Variants in TMEM232 observed in about 807,000 individuals in gnomAD.
TMEM232 encodes transmembrane protein 232.
Under a neutral mutation model 78.8 loss-of-function variants are expected in TMEM232, and 80 were observed. That is an observed-to-expected ratio of 1.01 (90% confidence interval 0.85 to 1.22). The LOEUF (loss-of-function observed/expected upper bound fraction) is 1.22. Among genes scored for constraint, TMEM232 ranks in the 50% most tolerant of loss-of-function variants. The probability of loss-of-function intolerance (pLI) is 0.00; values close to 1 mark genes in which losing one functional copy is unlikely to be tolerated. For synonymous variants in TMEM232, 297 were observed against 254.3 expected (o/e 1.17, Z -1.60); for missense variants, 881 against 742.2 (o/e 1.19, Z -2.17).
chr5:110,406,580 C>T (rs1263071427), intron 2 of TMEM232, among the ~76,000 whole-genome samples: 4 of 151,934 alleles, frequency 2.6e-5, no homozygotes, highest in Non-Finnish European at 4.4e-5. Flanking sequence ...CAAACAGAAG[C>T]TGAGAGAATT....
chr5:110,689,399 AT>A (rs139657142), intron 1 of TMEM232, among the ~76,000 whole-genome samples: 6,005 of 152,254 alleles, frequency 0.039, 282 homozygotes, highest in East Asian at 0.22. Context: ...AAAATTGGCA[AT>A]TTTTTTCAGA....
intron 12 of TMEM232, among the ~76,000 whole-genome samples, chr5:110,447,425 T>C (rs1463068716): frequency 6.6e-6 from 1 of 151,984 alleles, no homozygotes; most frequent in Non-Finnish European, 1.5e-5. Flanking sequence ...TACACAAATG[T>C]ATAGAGAGGG....
intron 12 of TMEM232, among the ~76,000 whole-genome samples, chr5:110,475,827 A>C (rs452054): frequency 0.036 from 5,549 of 152,060 alleles, 129 homozygotes; most frequent in African/African-American, 0.073. Context: ...CCACTAAAAA[A>C]AAGTACAGCA....
At chr5:110,469,527 C>G (rs1762442447) in intron 12 of TMEM232, among the ~76,000 whole-genome samples, 1 of 152,158 alleles carries the variant, frequency 6.6e-6, no homozygotes, top group Non-Finnish European at 1.5e-5. Context: ...CTCCAAGCCA[C>G]TGCTGCACTC....
At chr5:110,454,627 T>G (rs1345166489) in intron 12 of TMEM232, among the ~76,000 whole-genome samples, 2 of 151,934 alleles carry the variant, frequency 1.3e-5, no homozygotes, top group Non-Finnish European at 2.9e-5. Context: ...AGAAAATATT[T>G]TAAATTAAAA....
intron 11 of TMEM232, among the ~76,000 whole-genome samples, chr5:110,553,045 T>C (rs754907230): frequency 4.6e-5 from 7 of 152,162 alleles, no homozygotes; most frequent in Non-Finnish European, 8.8e-5. Context: ...CAGATGGTTG[T>C]AGGTATGCAG....
chr5:110,496,037 A>G (rs1415616225), intron 12 of TMEM232, among the ~76,000 whole-genome samples: 2 of 151,828 alleles, frequency 1.3e-5, no homozygotes, highest in Non-Finnish European at 2.9e-5. Context: ...TTATAATTCA[A>G]TCCTGTAATT....
chr5:110,693,137 G>A (rs1214421770), intron 1 of TMEM232, among the ~76,000 whole-genome samples: 1 of 152,142 alleles, frequency 6.6e-6, no homozygotes, highest in Non-Finnish European at 1.5e-5. Context: ...AGCAGCATTT[G>A]CGGTTCACCA....
intron 3 of TMEM232, 89 bp from the exon 4 acceptor site, chr5:110,641,085 G>T: frequency 1.3e-6 from 1 of 785,988 alleles, no homozygotes; most frequent in East Asian, 3.8e-5. Flanking sequence ...TGCTCCAAAA[G>T]TCATTCTATG....
intron 11 of TMEM232, among the ~76,000 whole-genome samples, chr5:110,566,740 T>C (rs2149678499): frequency 6.6e-6 from 1 of 152,038 alleles, no homozygotes; most frequent in Admixed American, 6.6e-5. Flanking sequence ...AGAGCTCTTC[T>C]TACTGTTCCA....
At chr5:110,674,987 T>G (rs1791840654) in intron 1 of TMEM232, among the ~76,000 whole-genome samples, 1 of 152,056 alleles carries the variant, frequency 6.6e-6, no homozygotes, top group South Asian at 2.1e-4. Context: ...GGAATAAAAC[T>G]AGAAAAGCTT....
chr5:110,531,785 A>G (rs892851946), intron 11 of TMEM232, among the ~76,000 whole-genome samples: 13 of 152,184 alleles, frequency 8.5e-5, no homozygotes, highest in African/African-American at 2.9e-4. Flanking sequence ...AGCCCAGTTC[A>G]TGGCTCGTTT....
chr5:110,388,450 G>A (rs1202505067), intron 4 of TMEM232, among the ~76,000 whole-genome samples: 7 of 152,128 alleles, frequency 4.6e-5, no homozygotes, highest in South Asian at 2.1e-4. Context: ...TCTGAGGCTC[G>A]ATTTTACAGG....
In TMEM232 at chr5:110,606,301, G is replaced by T; in HGVS notation, c.903-14C>A. ...ACTGAATCCAACCTGAAAATTTTAT[G>T]GACGAAAGGATAAAGATTTTAATGG... is the stretch of plus-strand genomic sequence containing the variant. On this transcript the variant is annotated splice_polypyrimidine_tract_variant and intron_variant, in intron 8 of 13. Transcript: ENST00000455884. The T allele has an allele frequency of 6.6e-7, 1 of 1,504,740 alleles. No individual in the cohort carries two copies. The highest frequency in any genetic ancestry group is 8.9e-7 in the Non-Finnish European group (1 of 1,122,656). The allele number at this position is 1,504,740 out of a possible 1,614,324, so 93.2% of individuals were successfully genotyped here. A position where few individuals can be genotyped will look rare whatever the true frequency, so the allele number is the denominator to read the frequency against.
chr5:110,656,950 C>G (rs13355007), intron 2 of TMEM232, among the ~76,000 whole-genome samples: 1,787 of 151,914 alleles, frequency 0.012, 46 homozygotes, highest in African/African-American at 0.04. Context: ...AATAATTGTA[C>G]GTATTTATGG....
chr5:110,557,449 G>A (rs562353433), intron 11 of TMEM232, among the ~76,000 whole-genome samples: 3 of 152,292 alleles, frequency 2.0e-5, no homozygotes, highest in Non-Finnish European at 4.4e-5. Flanking sequence ...GAAGACTAAT[G>A]TTGATCCATT....
chr5:110,576,987 T>C (rs1011483679), intron 10 of TMEM232, among the ~76,000 whole-genome samples: 1 of 151,876 alleles, frequency 6.6e-6, no homozygotes, highest in South Asian at 2.1e-4. Context: ...AAATAAGTCA[T>C]GACGAAGATA....
At chr5:110,640,398 C>T (rs963858308) in intron 4 of TMEM232, among the ~76,000 whole-genome samples, 3 of 150,154 alleles carry the variant, frequency 2.0e-5, no homozygotes, top group East Asian at 1.9e-4. Flanking sequence ...TTAGAAATAA[C>T]GTTGTTTAAT....
chr5:110,721,942 T>A (rs1797689290), intron 1 of TMEM232, among the ~76,000 whole-genome samples: 1 of 151,762 alleles, frequency 6.6e-6, no homozygotes, highest in Admixed American at 6.6e-5. Context: ...GCACTGCCCC[T>A]GATAGTTAGA....
Sources: gnomAD v4.1 joint callset for allele counts (sites outside exome capture counted in the v4.1 genomes callset) on GRCh38, gnomAD v4.1.1 for gene constraint, MANE v1.5 for transcripts, NCBI Gene and HGNC (gene_info 2026-07-23, HGNC 2026-07-21) for gene names.